The following HTR4 variants were observed in gnomAD, a reference collection of about 807,000 sequenced individuals.
HTR4 encodes 5-hydroxytryptamine receptor 4, also known as 5-hydroxytryptamine (serotonin) receptor 4, G protein-coupled.
Under a neutral mutation model 36.8 loss-of-function variants are expected in HTR4, and 16 were observed. The ratio of observed to expected loss-of-function variants is 0.43; its 90% CI spans 0.29 to 0.66. The LOEUF (loss-of-function observed/expected upper bound fraction) is 0.66, where lower values mean the gene tolerates loss of function less well. HTR4 is among the 30% of genes least tolerant of loss of function. HTR4 has a pLI of 0.13. For missense variants in HTR4, 438 were observed against 490.9 expected (o/e 0.89, Z 1.02); for synonymous variants, 189 against 185.1 (o/e 1.02, Z -0.17).
chr5:148,524,366 G>A (rs1002172855), intron 4 of HTR4, among the ~76,000 whole-genome samples: 1 of 152,112 alleles, frequency 6.6e-6, no homozygotes, highest in African/African-American at 2.4e-5. Flanking sequence ...AATATTTCCT[G>A]CTCCATCATT....
chr5:148,487,671 A>T (rs1034395843), intron 6 of HTR4, among the ~76,000 whole-genome samples: 2 of 150,300 alleles, frequency 1.3e-5, no homozygotes, highest in African/African-American at 5.0e-5. Flanking sequence ...TTCTATTCAT[A>T]CCAGAGAGCG....
intron 5 of HTR4, among the ~76,000 whole-genome samples, chr5:148,453,997 G>T (rs945801057): frequency 6.6e-6 from 1 of 152,136 alleles, no homozygotes; most frequent in African/African-American, 2.4e-5. Flanking sequence ...TCTGCAAAAG[G>T]TTTAGCCTTC....
chr5:148,654,522 T>C lies in HTR4; in HGVS notation c.-508A>G. On this transcript the variant is annotated 5_prime_UTR_variant, in exon 1 of 7. Transcript: ENST00000377888. ...GCGCCCTCCCTGGCCGGAGCGCTGC[T>C]CATCTGATGGAGGGCAGGAAGGAGC... 4 of 984,246 alleles carry C rather than the reference T, an allele frequency of 4.1e-6. No homozygotes were observed. Among genetic ancestry groups the C allele is most frequent in the Non-Finnish European group, 4.8e-6 (4 of 828,836 alleles). 61.0% of individuals were successfully genotyped at this position (984,246 alleles called of 1,614,324 possible).
chr5:148,465,771 C>T, intron 5 of HTR4: 2 of 1,538,142 alleles, frequency 1.3e-6, no homozygotes, highest in Non-Finnish European at 1.7e-6. Context: ...GAAGTATAAA[C>T]AGACACTTAA....
chr5:148,615,704 G>T (rs966418634), intron 2 of HTR4, among the ~76,000 whole-genome samples: 1,422 of 134,390 alleles, frequency 0.011, 29 homozygotes, highest in African/African-American at 0.037. Context: ...AAGAAAGAAA[G>T]AAAGAAATAA....
At chr5:148,495,025 A>G (rs1044611697) in intron 6 of HTR4, among the ~76,000 whole-genome samples, 1 of 152,320 alleles carries the variant, frequency 6.6e-6, no homozygotes, top group South Asian at 2.1e-4. Flanking sequence ...AAGTGCTTGC[A>G]AAAGTTCTCA....
intron 6 of HTR4, among the ~76,000 whole-genome samples, chr5:148,496,498 A>G (rs1756691838): frequency 6.6e-6 from 1 of 152,216 alleles, no homozygotes; most frequent in African/African-American, 2.4e-5. Context: ...AAGAAAAACA[A>G]AAGCCTCAGA....
chr5:148,505,972 C>T (rs938442370), intron 6 of HTR4, among the ~76,000 whole-genome samples: 2 of 152,106 alleles, frequency 1.3e-5, no homozygotes, highest in African/African-American at 2.4e-5. Flanking sequence ...AAATTCAATG[C>T]CATCCCCATC....
intron 2 of HTR4, among the ~76,000 whole-genome samples, chr5:148,570,908 A>T (rs986737588): frequency 6.6e-6 from 1 of 151,868 alleles, no homozygotes; most frequent in Non-Finnish European, 1.5e-5. Context: ...TTGTATCGAT[A>T]CCAGTCAACC....
intron 2 of HTR4, among the ~76,000 whole-genome samples, chr5:148,574,998 A>G (rs144476239): frequency 6.6e-6 from 1 of 152,200 alleles, no homozygotes; most frequent in Non-Finnish European, 1.5e-5. Context: ...ACACTAGAAA[A>G]TCAGCCAAAC....
chr5:148,600,539 G>T (rs148314542), intron 2 of HTR4, among the ~76,000 whole-genome samples: 4 of 151,238 alleles, frequency 2.6e-5, no homozygotes, highest in African/African-American at 9.7e-5. Flanking sequence ...CAAAATACAA[G>T]ATCAACACAC....
At chr5:148,479,696 G>T (rs1384030394), downstream of HTR4, among the ~76,000 whole-genome samples, 1 of 152,056 alleles carries the variant, frequency 6.6e-6, no homozygotes, top group Non-Finnish European at 1.5e-5. Context: ...ATAAATCATA[G>T]CTATAACTAA....
chr5:148,506,437 C>A (rs547467283), intron 6 of HTR4, among the ~76,000 whole-genome samples: 1 of 152,218 alleles, frequency 6.6e-6, no homozygotes, highest in Non-Finnish European at 1.5e-5. Flanking sequence ...AAAACCTGGG[C>A]AATACCATTC....
At chr5:148,596,507 A>G (rs1368171190) in intron 2 of HTR4, among the ~76,000 whole-genome samples, 2 of 152,032 alleles carry the variant, frequency 1.3e-5, no homozygotes, top group Non-Finnish European at 2.9e-5. Context: ...GCGTTTCCCA[A>G]TGCTGGCATT....
chr5:148,613,379 C>T (rs80258877), intron 2 of HTR4, among the ~76,000 whole-genome samples: 37,798 of 143,006 alleles, frequency 0.26, 6,036 homozygotes, highest in Non-Finnish European at 0.35. Flanking sequence ...GTTCAATATA[C>T]GCAAATTAAT....
At chr5:148,602,529 ATTG>A (rs2127270383) in intron 2 of HTR4, among the ~76,000 whole-genome samples, 1 of 152,320 alleles carries the variant, frequency 6.6e-6, no homozygotes, top group African/African-American at 2.4e-5. Flanking sequence ...TATAAGAAAA[ATTG>A]TTAAGAATAT....
At chr5:148,652,993 C>T (rs2127322015) in intron 1 of HTR4, among the ~76,000 whole-genome samples, 1 of 152,264 alleles carries the variant, frequency 6.6e-6, no homozygotes, top group Admixed American at 6.5e-5. Context: ...ACCGCATCCA[C>T]CACCCACGTC....
At chr5:148,591,323 T>A (rs188584939) in intron 2 of HTR4, among the ~76,000 whole-genome samples, 1 of 152,294 alleles carries the variant, frequency 6.6e-6, no homozygotes, top group South Asian at 2.1e-4. Flanking sequence ...TCTTTTTTGG[T>A]TCCATATGAA....
chr5:148,645,356 C>T (rs1184049727), intron 1 of HTR4: 1 of 152,182 alleles, frequency 6.6e-6, no homozygotes, highest in Non-Finnish European at 1.5e-5. Flanking sequence ...TCCAATAAAA[C>T]TAAATACATG....
Sources: allele counts gnomAD v4.1 joint callset (sites outside exome capture counted in the v4.1 genomes callset), GRCh38; gene constraint gnomAD v4.1.1; transcripts MANE v1.5; gene names NCBI Gene and HGNC (gene_info 2026-07-23, HGNC 2026-07-21).